KCNK2: variants seen among roughly 807,000 people sequenced by gnomAD.
KCNK2 encodes potassium two pore domain channel subfamily K member 2, also known as potassium channel subfamily K member 2.
In KCNK2, 21 loss-of-function variants were observed where a neutral mutation model predicts 40.5. The ratio of observed to expected loss-of-function variants is 0.52; its 90% CI spans 0.37 to 0.75. The LOEUF (loss-of-function observed/expected upper bound fraction) is 0.75. KCNK2 is among the 30% of genes least tolerant of loss of function. The pLI, the probability that KCNK2 is intolerant of heterozygous loss-of-function variation, is 0.00. For synonymous variants in KCNK2, 191 were observed against 202.2 expected (o/e 0.94, Z 0.47); for missense variants, 399 against 531.6 (o/e 0.75, Z 2.45).
chr1:215,140,496 A>G (rs903090749), intron 3 of KCNK2, among the ~76,000 whole-genome samples: 2 of 152,202 alleles, frequency 1.3e-5, no homozygotes, highest in Non-Finnish European at 2.9e-5. Flanking sequence ...GCTATAGCCT[A>G]TTGCTTCTAG....
intron 5 of KCNK2, among the ~76,000 whole-genome samples, chr1:215,183,549 T>C (rs1203366637): frequency 3.9e-5 from 6 of 152,180 alleles, no homozygotes; most frequent in African/African-American, 1.2e-4. Context: ...TTAGTTCAGT[T>C]CTCTTTTTCG....
chr1:215,165,085 A>G (rs1458882375), intron 3 of KCNK2, among the ~76,000 whole-genome samples: 2 of 152,176 alleles, frequency 1.3e-5, no homozygotes, highest in Non-Finnish European at 2.9e-5. Context: ...AGTATTACAC[A>G]CTGCAAGTGA....
chr1:215,179,476 G>A (rs950352538), intron 5 of KCNK2, among the ~76,000 whole-genome samples: 2 of 151,626 alleles, frequency 1.3e-5, no homozygotes, highest in African/African-American at 4.8e-5. Flanking sequence ...TTTAATTTGA[G>A]ATCTTTCTAA....
rs544316435 is a variant in KCNK2, at chr1:215,136,161, C to T, written c.475+11411C>T. ...ACTCTGTCGCCCAGGTGTAGCATGA[C>T]CCCGGTTCACTTCAACCTCCACCTC... is the stretch of plus-strand genomic sequence containing the variant. On this transcript the variant is annotated intron_variant, in intron 3 of 6. Coordinates refer to ENST00000444842, the MANE Select transcript of KCNK2 (RefSeq NM_001017425.3). Among the ~76,000 whole-genome samples the T allele has an allele frequency of 2.0e-5, 3 of 151,908 alleles. 1 individual carries two copies. The East Asian group carries it at 5.8e-4, about 30-fold the overall frequency.
At chr1:215,020,395 C>T (rs1656748771) in intron 1 of KCNK2, among the ~76,000 whole-genome samples, 1 of 152,038 alleles carries the variant, frequency 6.6e-6, no homozygotes, top group South Asian at 2.1e-4. Flanking sequence ...AAGAGGAATC[C>T]CCAAAATACG....
intron 1 of KCNK2, chr1:215,083,669 G>C (rs1046730663): frequency 1.3e-5 from 8 of 595,784 alleles, no homozygotes; most frequent in South Asian, 7.9e-5. Flanking sequence ...CCTGAGGTAT[G>C]GGTTTGGAAC....
rs185911177 is a variant in KCNK2 at position 215,138,036 on chromosome 1, G to T, written c.475+13286G>T. ...TATAATTTGTTTTAATTTTCAGATTGATAAAAAGTGCAATTTTGTGCTACT... is the reference window on the plus strand; with the variant it reads ...TATAATTTGTTTTAATTTTCAGATTTATAAAAAGTGCAATTTTGTGCTACT... On this transcript the variant is annotated intron_variant, in intron 3 of 6. Coordinates refer to ENST00000444842, the MANE Select transcript of KCNK2 (RefSeq NM_001017425.3). Among the ~76,000 whole-genome samples, 5 of 152,262 alleles carry T rather than the reference G, an allele frequency of 3.3e-5. No individual in the cohort carries two copies. In the East Asian group the frequency reaches 9.7e-4, roughly 29 times the overall value.
chr1:215,032,189 C>G (rs939826901), intron 1 of KCNK2, among the ~76,000 whole-genome samples: 4 of 151,042 alleles, frequency 2.6e-5, no homozygotes, highest in African/African-American at 9.8e-5. Context: ...AGGAGGATCA[C>G]TTGAGCCCAG....
chr1:215,077,932 C>A (rs1659004642), upstream of KCNK2, among the ~76,000 whole-genome samples: 1 of 152,146 alleles, frequency 6.6e-6, no homozygotes, highest in African/African-American at 2.4e-5. Context: ...CAGTAAATAT[C>A]TGATGAATGT....
chr1:215,007,862 A>G (rs771116487), intron 1 of KCNK2, among the ~76,000 whole-genome samples: 32 of 152,212 alleles, frequency 2.1e-4, no homozygotes, highest in Admixed American at 1.6e-3. Flanking sequence ...CAATAGATAA[A>G]TTTAAATTAT....
intron 2 of KCNK2, among the ~76,000 whole-genome samples, chr1:215,095,196 C>A (rs1360461812): frequency 2.0e-5 from 3 of 152,134 alleles, no homozygotes; most frequent in East Asian, 1.9e-4. Flanking sequence ...TGTAGTAATT[C>A]GTATTTGTAA....
At chr1:215,175,047 G>A (rs1476407144) in intron 5 of KCNK2, among the ~76,000 whole-genome samples, 1 of 152,122 alleles carries the variant, frequency 6.6e-6, no homozygotes, top group African/African-American at 2.4e-5. Flanking sequence ...TCTTGTGCCA[G>A]TTTTCAAAGG....
At chr1:215,156,079 GTGTA>G (rs982074670) in intron 3 of KCNK2, among the ~76,000 whole-genome samples, 2 of 151,454 alleles carry the variant, frequency 1.3e-5, no homozygotes, top group African/African-American at 2.4e-5. Flanking sequence ...GTGTGTGTGT[GTGTA>G]TATATATATA....
At chr1:215,062,278 G>A (rs1357827974) in intron 1 of KCNK2, among the ~76,000 whole-genome samples, 1 of 152,080 alleles carries the variant, frequency 6.6e-6, no homozygotes, top group Non-Finnish European at 1.5e-5. Flanking sequence ...GATGAATGCT[G>A]GGCAGCAAAC....
rs189088161 is a variant in KCNK2, at chr1:215,223,224, C to T, written c.964-11604C>T. On this transcript the variant is annotated intron_variant, in intron 6 of 6. Coordinates refer to ENST00000444842, the MANE Select transcript of KCNK2 (RefSeq NM_001017425.3). ...ATCAAAAACAATGATTATATCTGTACAGAATAAGCTCTTTTCTAAAAAAAA... is the reference window on the plus strand; with the variant it reads ...ATCAAAAACAATGATTATATCTGTATAGAATAAGCTCTTTTCTAAAAAAAA... 1.5e-4 allele frequency among the ~76,000 whole-genome samples: 15 copies of T among 100,362 alleles called. No homozygotes were observed. The Admixed American group carries it at 1.6e-3, about 11-fold the overall frequency. 65.8% of individuals were successfully genotyped at this position (100,362 alleles called of 152,430 possible). A position where few individuals can be genotyped will look rare whatever the true frequency, so the allele number is the denominator to read the frequency against.
chr1:215,148,284 A>G (rs1206472884), intron 3 of KCNK2, among the ~76,000 whole-genome samples: 5 of 151,456 alleles, frequency 3.3e-5, no homozygotes, highest in Admixed American at 3.3e-4. Flanking sequence ...CACGTTGCCC[A>G]GGCTGGTCTT....
At chr1:215,097,419 CT>C (rs1660025475) in intron 2 of KCNK2, among the ~76,000 whole-genome samples, 2 of 150,132 alleles carry the variant, frequency 1.3e-5, no homozygotes, top group Admixed American at 6.7e-5. Flanking sequence ...TCTTACTTTC[CT>C]TTTTTTCTTA....
At chr1:215,083,625 C>G (rs980431444) in intron 1 of KCNK2, 194 bp downstream of exon 1, 27 of 608,924 alleles carry the variant, frequency 4.4e-5, no homozygotes, top group African/African-American at 2.0e-4. Flanking sequence ...GCTTCTCCCC[C>G]CTCTCCCGCC....
At chr1:215,181,719 C>CT (rs1487956957) in intron 5 of KCNK2, among the ~76,000 whole-genome samples, 1 of 152,134 alleles carries the variant, frequency 6.6e-6, no homozygotes, top group African/African-American at 2.4e-5. Flanking sequence ...GTAGATGGCA[C>CT]TTATGGGTAA....
Sources: gnomAD v4.1 joint callset for allele counts (sites outside exome capture counted in the v4.1 genomes callset) on GRCh38, gnomAD v4.1.1 for gene constraint, MANE v1.5 for transcripts, NCBI Gene and HGNC (gene_info 2026-07-23, HGNC 2026-07-21) for gene names.